Variants in KCNIP1 observed in about 807,000 individuals in gnomAD.
KCNIP1 encodes A-type potassium channel modulatory protein KCNIP1.
Under a neutral mutation model 33.0 loss-of-function variants are expected in KCNIP1, and 18 were observed. The ratio of observed to expected loss-of-function variants is 0.55; its 90% CI spans 0.38 to 0.81. The LOEUF is 0.81. Ranked by LOEUF, KCNIP1 falls within the 30% of genes least tolerant of loss-of-function variation. The pLI is 0.00. For synonymous variants in KCNIP1, 93 were observed against 98.3 expected, an observed-to-expected ratio of 0.95 and a Z score of 0.32; for missense variants, 238 against 271.6, an observed-to-expected ratio of 0.88 and a Z score of 0.87.
intron 1 of KCNIP1, among the ~76,000 whole-genome samples, chr5:170,400,687 T>A (rs1400961218): frequency 6.6e-6 from 1 of 152,250 alleles, no homozygotes; most frequent in Non-Finnish European, 1.5e-5. Flanking sequence ...GTGGTTATCC[T>A]AATTTTATAG....
chr5:170,569,928 C>G (rs1009066741), intron 1 of KCNIP1, among the ~76,000 whole-genome samples: 9 of 152,036 alleles, frequency 5.9e-5, no homozygotes, highest in African/African-American at 2.2e-4. Context: ...AAAAATGCAC[C>G]AAAGTAATGA....
At chr5:170,384,272 T>C (rs1764376664) in intron 1 of KCNIP1, among the ~76,000 whole-genome samples, 1 of 152,232 alleles carries the variant, frequency 6.6e-6, no homozygotes, top group South Asian at 2.1e-4. Flanking sequence ...CGTCTTCATT[T>C]TGCAGAGGCA....
chr5:170,639,926 G>A (rs1188268284), intron 1 of KCNIP1, among the ~76,000 whole-genome samples: 1 of 152,238 alleles, frequency 6.6e-6, no homozygotes, highest in Non-Finnish European at 1.5e-5. Context: ...TGCCTAAAGG[G>A]CTGGTACAGC....
chr5:170,655,840 T>C (rs979299518), intron 1 of KCNIP1, among the ~76,000 whole-genome samples: 1 of 152,156 alleles, frequency 6.6e-6, no homozygotes, highest in Non-Finnish European at 1.5e-5. Flanking sequence ...AACCAGCCTC[T>C]CTCAAATCAA....
At chr5:170,648,126 C>A (rs927910586) in intron 1 of KCNIP1, among the ~76,000 whole-genome samples, 1 of 152,156 alleles carries the variant, frequency 6.6e-6, no homozygotes, top group African/African-American at 2.4e-5. Flanking sequence ...CTTAACAACA[C>A]AAAATGTAGG....
chr5:170,619,881 C>T (rs1170799824), intron 1 of KCNIP1, among the ~76,000 whole-genome samples: 2 of 152,146 alleles, frequency 1.3e-5, no homozygotes, highest in Non-Finnish European at 2.9e-5. Context: ...CCTCAGATCA[C>T]TATGTCAGCA....
rs532791439 is a variant in KCNIP1, at chr5:170,593,272, C to T, written c.61+88639C>T. The stretch of plus-strand genomic sequence containing the variant: ...TCTGACCCCATCTGGCTTCTACCTG[C>T]CAACCCCATGTATTCTGGAGACTCT... On this transcript the variant is annotated intron_variant, in intron 1 of 7. Transcript: ENST00000328939. 2.5e-4 allele frequency among the ~76,000 whole-genome samples: 38 copies of T among 152,296 alleles called. No individual in the cohort carries two copies. In the South Asian group the frequency reaches 7.5e-3, roughly 30 times the overall value.
intron 1 of KCNIP1, among the ~76,000 whole-genome samples, chr5:170,497,271 T>A (rs1561652156): frequency 3.9e-5 from 6 of 152,188 alleles, no homozygotes; most frequent in Admixed American, 3.9e-4. Context: ...GGTACCACAC[T>A]AAAGCACTTA....
At chr5:170,719,139 C>T (rs541932682) in intron 2 of KCNIP1, among the ~76,000 whole-genome samples, 12 of 152,120 alleles carry the variant, frequency 7.9e-5, no homozygotes, top group Non-Finnish European at 1.3e-4. Flanking sequence ...AAGGAATTCA[C>T]CCTGGCCCAG....
chr5:170,677,529 C>G (rs988607401), intron 1 of KCNIP1, among the ~76,000 whole-genome samples: 4 of 152,062 alleles, frequency 2.6e-5, no homozygotes, highest in African/African-American at 9.7e-5. Context: ...AAATTGAAAC[C>G]CAGAGCTAAA....
At chr5:170,549,034 G>A (rs1756512034) in intron 1 of KCNIP1, among the ~76,000 whole-genome samples, 1 of 152,024 alleles carries the variant, frequency 6.6e-6, no homozygotes, top group South Asian at 2.1e-4. Context: ...GAGGGATGGG[G>A]GTCTCTGCTT....
At chr5:170,508,235 G>A (rs1324560311) in intron 1 of KCNIP1, among the ~76,000 whole-genome samples, 1 of 152,184 alleles carries the variant, frequency 6.6e-6, no homozygotes, top group Non-Finnish European at 1.5e-5. Flanking sequence ...CTGAGCTTCG[G>A]ATCTCCAGAA....
upstream of KCNIP1, among the ~76,000 whole-genome samples, chr5:170,503,681 C>A: frequency 6.8e-6 from 1 of 147,110 alleles, no homozygotes; most frequent in African/African-American, 2.5e-5. Context: ...TCACAATGCA[C>A]CACACACAGG....
chr5:170,636,346 A>G (rs1760280171), intron 1 of KCNIP1, among the ~76,000 whole-genome samples: 1 of 152,164 alleles, frequency 6.6e-6, no homozygotes, highest in Admixed American at 6.5e-5. Flanking sequence ...ACACAGGGAC[A>G]GTGGAGGCAG....
chr5:170,531,436 T>C (rs1755785012), intron 1 of KCNIP1, among the ~76,000 whole-genome samples: 1 of 152,206 alleles, frequency 6.6e-6, no homozygotes, highest in South Asian at 2.1e-4. Context: ...CCAGGGACGC[T>C]TAAGCCTCCA....
At chr5:170,587,370 C>T (rs1370122256) in intron 1 of KCNIP1, among the ~76,000 whole-genome samples, 3 of 136,202 alleles carry the variant, frequency 2.2e-5, no homozygotes, top group Non-Finnish European at 4.5e-5. Context: ...TGCAGTGAGC[C>T]GAGATTGTGC....
In KCNIP1 at chr5:170,718,848, G is replaced by T. The variant is rs760664501; in HGVS notation, c.152G>T (p.Arg51Met). The change falls in exon 2 of 8, where the codon AGG (arginine) becomes ATG (methionine). Residue 51 changes from arginine to methionine, a missense_variant. Transcript: ENST00000328939. ...QLEAQTNFTK[R>M]ELQVLYRGFK... Reference sequence around the variant, plus strand: ...GAGGCCCAGACCAACTTCACCAAGAGGGAGCTGCAGGTCCTTTATCGAGGC... The same window carrying T: ...GAGGCCCAGACCAACTTCACCAAGATGGAGCTGCAGGTCCTTTATCGAGGC... 6.2e-7 allele frequency: 1 copy of T among 1,610,540 alleles called. No individual in the cohort carries two copies. The highest frequency in any genetic ancestry group is 1.7e-5 in the Admixed American group (1 of 58,990).
At chr5:170,356,876 G>A (rs1354102618) in intron 1 of KCNIP1, among the ~76,000 whole-genome samples, 2 of 152,296 alleles carry the variant, frequency 1.3e-5, no homozygotes, top group East Asian at 3.9e-4. Context: ...CTCAGCAAAT[G>A]CTCTCTGAAG....
intron 1 of KCNIP1, among the ~76,000 whole-genome samples, chr5:170,589,973 T>C (rs1038064799): frequency 6.6e-6 from 1 of 152,158 alleles, no homozygotes; most frequent in Admixed American, 6.5e-5. Flanking sequence ...TCTCCCCTAG[T>C]GTTCCTTTCC....
Sources: gnomAD v4.1 joint callset for allele counts (sites outside exome capture counted in the v4.1 genomes callset) on GRCh38, gnomAD v4.1.1 for gene constraint, MANE v1.5 for transcripts, NCBI Gene and HGNC (gene_info 2026-07-23, HGNC 2026-07-21) for gene names.